The following KCNJ3 variants were observed in gnomAD, a reference collection of about 807,000 sequenced individuals.
KCNJ3 encodes G protein-activated inward rectifier potassium channel 1.
Under a neutral mutation model 39.2 loss-of-function variants are expected in KCNJ3, and 4 were observed. The observed-to-expected ratio is 0.10, with a 90% CI of 0.05 to 0.23. The LOEUF is 0.23. Among genes scored for constraint, KCNJ3 ranks in the 10% least tolerant of loss-of-function variants. The pLI is 1.00. For synonymous variants in KCNJ3, 230 were observed against 237.4 expected (o/e 0.97, Z 0.29); for missense variants, 276 against 634.9 (o/e 0.43, Z 6.08).
intron 2 of KCNJ3, among the ~76,000 whole-genome samples, chr2:154,797,529 G>T (rs867786871): frequency 6.6e-6 from 1 of 151,874 alleles, no homozygotes; most frequent in Non-Finnish European, 1.5e-5. Context: ...AAGCAAACAC[G>T]TTTAGTTTTG....
At chr2:154,756,437 G>T (rs956801642) in intron 2 of KCNJ3, among the ~76,000 whole-genome samples, 1 of 152,030 alleles carries the variant, frequency 6.6e-6, no homozygotes, top group Non-Finnish European at 1.5e-5. Flanking sequence ...TTATGTAACT[G>T]GTGCTATGAG....
rs146327188 is a variant in KCNJ3, at chr2:154,780,016, A to G, written c.919+70197A>G. On this transcript the variant is annotated intron_variant, in intron 2 of 2. Transcript: ENST00000295101. ...GAAGCAAGGACATACATTCAAGAGT[A>G]ATGTGATAACACTCTAATAACAGTA... 1.6e-3 allele frequency among the ~76,000 whole-genome samples: 240 copies of G among 152,336 alleles called. 2 individuals are homozygous for G. The highest frequency in any genetic ancestry group is 5.6e-3 in the African/African-American group (234 of 41,572).
rs1438183361 is a variant in KCNJ3, at chr2:154,825,121, T to G, written c.920-29606T>G. ...ATTCAAGGTACTTTCTGGCTTCCCTTTTGGGCATGCTAATAGGCAGATCTC... is the reference window on the plus strand; with the variant it reads ...ATTCAAGGTACTTTCTGGCTTCCCTGTTGGGCATGCTAATAGGCAGATCTC... On this transcript the variant is annotated intron_variant, in intron 2 of 2. Transcript: ENST00000295101. 2.0e-5 allele frequency among the ~76,000 whole-genome samples: 3 copies of G among 152,294 alleles called. No homozygotes were observed. In the East Asian group the frequency reaches 5.8e-4, roughly 29 times the overall value.
chr2:154,835,443 GAA>G (rs1687440577), intron 2 of KCNJ3, among the ~76,000 whole-genome samples: 2 of 49,208 alleles, frequency 4.1e-5, no homozygotes, highest in Non-Finnish European at 1.0e-4. Flanking sequence ...TAATATTCAT[GAA>G]TATGAATATA....
At chr2:154,743,293 A>AAAT (rs1222910901) in intron 2 of KCNJ3, among the ~76,000 whole-genome samples, 1 of 151,790 alleles carries the variant, frequency 6.6e-6, no homozygotes, top group African/African-American at 2.4e-5. Flanking sequence ...TAAAATCAGG[A>AAAT]AATATGAGTC....
chr2:154,698,818 G>A lies in KCNJ3; in HGVS notation c.43G>A (p.Val15Met). Residue 15 changes from valine (V) to methionine (M), a missense_variant, in exon 1 of 3, where the codon GTG (valine) becomes ATG (methionine). Around this residue, in one of 4 missense-constraint regions of KCNJ3, gnomAD observed 27 missense variants for 48.5 expected, o/e 0.56. Coordinates refer to ENST00000295101, the MANE Select transcript of KCNJ3 (RefSeq NM_002239.4). ...GAAATTTGGGGACGATTATCAGGTA[G>A]TGACCACATCGTCCAGCGGCTCGGG... ...RRKFGDDYQV[V>M]TTSSSGSGLQ... 6.2e-7 allele frequency: 1 copy of A among 1,614,062 alleles called. No individual in the cohort carries two copies. Among genetic ancestry groups the A allele is most frequent in the Non-Finnish European group, 8.5e-7 (1 of 1,179,978 alleles).
intron 2 of KCNJ3, among the ~76,000 whole-genome samples, chr2:154,790,108 C>A (rs564803679): frequency 6.6e-6 from 1 of 151,986 alleles, no homozygotes; most frequent in African/African-American, 2.4e-5. Flanking sequence ...ACTTCTTTGT[C>A]GTGACAGATA....
At chr2:154,762,840 A>G (rs1211005606) in intron 2 of KCNJ3, among the ~76,000 whole-genome samples, 1 of 152,200 alleles carries the variant, frequency 6.6e-6, no homozygotes, top group Non-Finnish European at 1.5e-5. Context: ...AAATGTAAAT[A>G]GCCTCAGGTG....
At chr2:154,721,980 T>C (rs1285821959) in intron 2 of KCNJ3, among the ~76,000 whole-genome samples, 2 of 152,202 alleles carry the variant, frequency 1.3e-5, no homozygotes, top group Admixed American at 6.5e-5. Context: ...ACATAAAGAC[T>C]ATATTTTGTT....
At chr2:154,780,118 A>G (rs1269650576) in intron 2 of KCNJ3, among the ~76,000 whole-genome samples, 1 of 152,180 alleles carries the variant, frequency 6.6e-6, no homozygotes, top group Admixed American at 6.5e-5. Context: ...TCATGAAGAA[A>G]TATTTGAAGT....
intron 2 of KCNJ3, among the ~76,000 whole-genome samples, chr2:154,724,890 T>C (rs1685324479): frequency 8.0e-6 from 1 of 125,030 alleles, no homozygotes; most frequent in Non-Finnish European, 1.6e-5. Context: ...ATTATATATG[T>C]ATGTATATAT....
intron 2 of KCNJ3, among the ~76,000 whole-genome samples, chr2:154,785,662 C>A (rs1327225392): frequency 6.6e-6 from 1 of 152,162 alleles, no homozygotes; most frequent in Non-Finnish European, 1.5e-5. Context: ...TGCACTTCTC[C>A]ACCTTCAGAA....
intron 2 of KCNJ3, among the ~76,000 whole-genome samples, chr2:154,842,121 A>C (rs928712330): frequency 2.0e-5 from 3 of 152,164 alleles, no homozygotes; most frequent in Non-Finnish European, 2.9e-5. Context: ...AATGTGTCCC[A>C]GAGATTCTGG....
At position 154,852,765 on chromosome 2, in the gene KCNJ3, T is replaced by C. The variant is rs534759372; in HGVS notation, c.920-1962T>C. Among the ~76,000 whole-genome samples, 11 of 152,262 alleles carry C rather than the reference T, an allele frequency of 7.2e-5. No individual in the cohort carries two copies. The South Asian group carries it at 2.3e-3, about 32-fold the overall frequency. On this transcript the variant is annotated intron_variant, in intron 2 of 2. Coordinates refer to ENST00000295101, the MANE Select transcript of KCNJ3 (RefSeq NM_002239.4). ...TAGAAAGTTATTAGAAAATACAGAATGCTGCTATGTGTGTGTTTACACTTA... is the reference window on the plus strand; with the variant it reads ...TAGAAAGTTATTAGAAAATACAGAACGCTGCTATGTGTGTGTTTACACTTA...
intron 2 of KCNJ3, among the ~76,000 whole-genome samples, chr2:154,765,605 C>G (rs781435143): frequency 2.6e-5 from 4 of 152,054 alleles, no homozygotes; most frequent in African/African-American, 7.2e-5. Flanking sequence ...TTGAAACTAG[C>G]GAATATTTGC....
intron 2 of KCNJ3, among the ~76,000 whole-genome samples, chr2:154,782,235 A>G (rs1242579019): frequency 1.3e-5 from 2 of 152,148 alleles, no homozygotes; most frequent in African/African-American, 2.4e-5. Flanking sequence ...TTGCTAACCA[A>G]CTAATTCTGG....
intron 2 of KCNJ3, among the ~76,000 whole-genome samples, chr2:154,847,425 G>A (rs975003806): frequency 6.6e-6 from 1 of 152,070 alleles, no homozygotes; most frequent in African/African-American, 2.4e-5. Flanking sequence ...TAATCCTCAG[G>A]GCAATATGTA....
Position 154,725,890 on chromosome 2 carries a change from G to A in KCNJ3, c.919+16071G>A, listed in dbSNP as rs551143891. Among the ~76,000 whole-genome samples the A allele has an allele frequency of 3.9e-5, 6 of 152,206 alleles. No homozygotes were observed. The South Asian group carries it at 1.2e-3, about 32-fold the overall frequency. ...CATTCTATTCAACAAATGGTGCTGG[G>A]ATAATTGGCAAGCCACATGTAGAAG... is the stretch of plus-strand genomic sequence containing the variant. On this transcript the variant is annotated intron_variant, in intron 2 of 2. Coordinates refer to ENST00000295101, the MANE Select transcript of KCNJ3 (RefSeq NM_002239.4).
chr2:154,764,091 A>G (rs950598052), intron 2 of KCNJ3, among the ~76,000 whole-genome samples: 1 of 152,228 alleles, frequency 6.6e-6, no homozygotes. Context: ...CTCAAGTGTG[A>G]TATCAATGTT....
Sources: allele counts gnomAD v4.1 joint callset (sites outside exome capture counted in the v4.1 genomes callset), GRCh38; gene constraint gnomAD v4.1.1; regional missense constraint gnomAD v4.1.1; transcripts MANE v1.5; gene names NCBI Gene and HGNC (gene_info 2026-07-23, HGNC 2026-07-21).